The following EYS variants were observed in gnomAD, a reference collection of about 807,000 sequenced individuals.
EYS encodes EGF-like photoreceptor maintenance factor, also known as protein eyes shut homolog.
EYS carries 250 observed loss-of-function variants against 282.1 expected under a neutral mutation model. That is an observed-to-expected ratio of 0.89 (90% CI 0.80 to 0.98). The LOEUF (loss-of-function observed/expected upper bound fraction) is 0.98, where lower values mean the gene tolerates loss of function less well. Ranked by LOEUF, EYS falls within the 50% of genes least tolerant of loss-of-function variation. The pLI, the probability that EYS is intolerant of heterozygous loss-of-function variation, is 0.00. For synonymous variants in EYS, 1,355 were observed against 1,282.9 expected, an observed-to-expected ratio of 1.06 and a Z score of -1.20; for missense variants, 4,016 against 3,709.0, an observed-to-expected ratio of 1.08 and a Z score of -2.15.
chr6:65,540,025 A>C (rs536255259), intron 2 of EYS, among the ~76,000 whole-genome samples: 2 of 152,342 alleles, frequency 1.3e-5, no homozygotes, highest in South Asian at 4.1e-4. Flanking sequence ...TGCATAAAAA[A>C]GTTTAGACTG....
At chr6:64,913,958 C>T (rs982463796) in intron 15 of EYS, among the ~76,000 whole-genome samples, 2 of 152,152 alleles carry the variant, frequency 1.3e-5, no homozygotes, top group African/African-American at 4.8e-5. Context: ...GCTTCTAGCT[C>T]AGTCTAGTCC....
chr6:65,089,495 C>T (rs548055572), intron 12 of EYS, among the ~76,000 whole-genome samples: 31 of 152,108 alleles, frequency 2.0e-4, no homozygotes, highest in Non-Finnish European at 4.1e-4. Flanking sequence ...TGGCCAATTT[C>T]TCCCATTTGG....
At chr6:64,659,201 C>T (rs1170919104) in intron 22 of EYS, among the ~76,000 whole-genome samples, 1 of 152,016 alleles carries the variant, frequency 6.6e-6, no homozygotes, top group Non-Finnish European at 1.5e-5. Context: ...AACAAAGACA[C>T]AACATTCCAG....
At chr6:65,571,790 C>T (rs1020381515) in intron 2 of EYS, among the ~76,000 whole-genome samples, 5 of 151,700 alleles carry the variant, frequency 3.3e-5, no homozygotes, top group African/African-American at 4.8e-5. Context: ...AAAAAACCTT[C>T]GAAAAACAGT....
At chr6:64,746,331 T>G (rs1175858839) in intron 22 of EYS, among the ~76,000 whole-genome samples, 1 of 152,034 alleles carries the variant, frequency 6.6e-6, no homozygotes, top group Non-Finnish European at 1.5e-5. Context: ...GAAGAGTTTG[T>G]CACCCCTACT....
intron 22 of EYS, among the ~76,000 whole-genome samples, chr6:64,648,864 G>A (rs1478865356): frequency 6.6e-6 from 1 of 152,088 alleles, no homozygotes; most frequent in Non-Finnish European, 1.5e-5. Context: ...TTTACATGGA[G>A]TTTAATATCT....
At chr6:64,547,419 T>G (rs965857735) in intron 26 of EYS, among the ~76,000 whole-genome samples, 2 of 152,018 alleles carry the variant, frequency 1.3e-5, no homozygotes, top group Admixed American at 6.6e-5. Context: ...GTTATCCACC[T>G]CCCCACTAGA....
intron 29 of EYS, among the ~76,000 whole-genome samples, chr6:64,364,456 T>G (rs1437350787): frequency 1.3e-5 from 2 of 151,954 alleles, no homozygotes; most frequent in Non-Finnish European, 2.9e-5. Flanking sequence ...ATTTGCTTAT[T>G]TTTGTGAAAA....
rs1562133917 is a variant in EYS, at chr6:64,686,822, TGTATATATATATATAC to T, written c.3444-60593_3444-60578del. Among the ~76,000 whole-genome samples, 33 of 45,482 alleles carry T rather than the reference TGTATATATATATATAC, an allele frequency of 7.3e-4. 5 individuals carry two copies. Among genetic ancestry groups the T allele is most frequent in the African/African-American group, 2.2e-3 (33 of 14,854 alleles). 29.8% of individuals were successfully genotyped at this position (45,482 alleles called of 152,430 possible). A position where few individuals can be genotyped will look rare whatever the true frequency, so the allele number is the denominator to read the frequency against. ...ATATATATGTGTGTATATATATATG[TGTATATATATATATAC>T]GTGTATATATATATATGTGTATATA... On this transcript the variant is annotated intron_variant, in intron 22 of 42. Coordinates refer to ENST00000503581, the MANE Select transcript of EYS (RefSeq NM_001142800.2).
At position 64,821,686 on chromosome 6, in the gene EYS, C is replaced by T. The variant is rs747998145; in HGVS notation, c.3202G>A (p.Asp1068Asn). Residue 1068 changes from aspartate to asparagine, a missense_variant, in exon 21 of 43, where the codon GAT (aspartate) becomes AAT (asparagine). Physicochemically the swap from Asp to Asn is conservative, Grantham distance 23. Coordinates refer to ENST00000503581, the MANE Select transcript of EYS (RefSeq NM_001142800.2). The part of the protein sequence containing the change: ...ELINEYPCSC[D>N]ADGTSTQCKI... ...CATTGTGTGCTAGTCCCATCTGCAT[C>T]ACATGAACATGGATATTCATTAATA... The T allele has an allele frequency of 1.4e-5, 21 of 1,527,130 alleles. No homozygotes were observed. The African/African-American group carries it at 2.9e-4, about 21-fold the overall frequency. The allele number at this position is 1,527,130 out of a possible 1,614,324, so 94.6% of individuals were successfully genotyped here. A position where few individuals can be genotyped will look rare whatever the true frequency, so the allele number is the denominator to read the frequency against.
In EYS at chr6:65,388,498, C is replaced by T. The variant is rs187055203; in HGVS notation, c.1185-3998G>A. ...GAGGAGATAATATTTGAGTGAATGG[C>T]TGAAGGAAGTGTACAAATTGCTACT... On this transcript the variant is annotated intron_variant, in intron 7 of 42. Transcript: ENST00000503581. Among the ~76,000 whole-genome samples, 813 of 152,010 alleles carry T rather than the reference C, an allele frequency of 5.3e-3. 3 individuals carry two copies. Among genetic ancestry groups the T allele is most frequent in the Non-Finnish European group, 8.8e-3 (596 of 67,928 alleles).
chr6:65,272,763 G>A (rs1405844980), intron 12 of EYS, among the ~76,000 whole-genome samples: 4 of 151,946 alleles, frequency 2.6e-5, no homozygotes, highest in South Asian at 2.1e-4. Flanking sequence ...TCATTCTCAC[G>A]GATAAGTAGA....
chr6:65,159,653 T>C (rs1401105528), intron 12 of EYS, among the ~76,000 whole-genome samples: 1 of 150,814 alleles, frequency 6.6e-6, no homozygotes, highest in Non-Finnish European at 1.5e-5. Context: ...CGTAGGTTCT[T>C]AATTCTGACC....
At chr6:64,970,714 C>T (rs1391002388) in intron 14 of EYS, among the ~76,000 whole-genome samples, 1 of 152,084 alleles carries the variant, frequency 6.6e-6, no homozygotes, top group African/African-American at 2.4e-5. Context: ...ACCACTGAAC[C>T]CATATGAAGT....
At position 64,103,251 on chromosome 6, in the gene EYS, T is replaced by C. The variant is rs369342651; in HGVS notation, c.6425-21249A>G. Among the ~76,000 whole-genome samples, 3 of 152,134 alleles carry C rather than the reference T, an allele frequency of 2.0e-5. No homozygotes were observed. In the East Asian group the frequency reaches 5.8e-4, roughly 29 times the overall value. On this transcript the variant is annotated intron_variant, in intron 31 of 42. Transcript: ENST00000503581. Reference sequence around the variant, plus strand: ...TAACTTACCAGCAAAAGAAAAATGTTATAAACTAACATGAATACTATTGTT... The same window carrying C: ...TAACTTACCAGCAAAAGAAAAATGTCATAAACTAACATGAATACTATTGTT...
chr6:65,299,209 TG>T (rs201855058), intron 11 of EYS, among the ~76,000 whole-genome samples: 1,735 of 152,282 alleles, frequency 0.011, 19 homozygotes, highest in Admixed American at 0.023. Flanking sequence ...TGCTATGATT[TG>T]TATGTGTTTA....
At chr6:64,081,735 G>C (rs1160068144) in intron 32 of EYS, 121 bp downstream of exon 32, 1 of 755,384 alleles carries the variant, frequency 1.3e-6, no homozygotes, top group Non-Finnish European at 2.0e-6. Flanking sequence ...CTTTGGTAAT[G>C]CTTCATGCAC....
At chr6:64,228,201 T>G (rs1482565922) in intron 31 of EYS, among the ~76,000 whole-genome samples, 1 of 152,176 alleles carries the variant, frequency 6.6e-6, no homozygotes, top group African/African-American at 2.4e-5. Context: ...CCCTTGGCTT[T>G]CTTTATGACA....
chr6:65,016,188 A>T (rs79412783), intron 13 of EYS, among the ~76,000 whole-genome samples: 10,867 of 151,894 alleles, frequency 0.072, 458 homozygotes, highest in African/African-American at 0.12. Context: ...ACATGGTGAA[A>T]CCTCGTTTCT....
Sources: gnomAD v4.1 joint callset for allele counts (sites outside exome capture counted in the v4.1 genomes callset) on GRCh38, gnomAD v4.1.1 for gene constraint, MANE v1.5 for transcripts, NCBI Gene and HGNC (gene_info 2026-07-23, HGNC 2026-07-21) for gene names.